DPP10: variants seen among roughly 807,000 people sequenced by gnomAD.
The protein encoded by DPP10 is inactive dipeptidyl peptidase 10.
Under a neutral mutation model 120.9 loss-of-function variants are expected in DPP10, and 33 were observed. The ratio of observed to expected loss-of-function variants is 0.27; its 90% confidence interval spans 0.21 to 0.37. The LOEUF (loss-of-function observed/expected upper bound fraction) is 0.37. Ranked by LOEUF, DPP10 falls within the 10% of genes least tolerant of loss-of-function variation. The pLI is 1.00. For missense variants in DPP10, 816 were observed against 942.8 expected, an observed-to-expected ratio of 0.87 and a Z score of 1.76; for synonymous variants, 337 against 326.1, an observed-to-expected ratio of 1.03 and a Z score of -0.36.
intron 1 of DPP10, among the ~76,000 whole-genome samples, chr2:114,869,833 C>T (rs9308704): frequency 0.53 from 80,110 of 152,000 alleles, 21,345 homozygotes; most frequent in East Asian, 0.69. Flanking sequence ...GTTTAAGGGA[C>T]GGCCTCCAGA....
At chr2:115,636,694 A>T (rs2149335930) in intron 5 of DPP10, among the ~76,000 whole-genome samples, 1 of 152,262 alleles carries the variant, frequency 6.6e-6, no homozygotes, top group Middle Eastern at 3.4e-3. Context: ...AGTGAGGATT[A>T]TGCAGATCTT....
chr2:114,867,115 C>G (rs755632123), intron 1 of DPP10, among the ~76,000 whole-genome samples: 2 of 152,142 alleles, frequency 1.3e-5, no homozygotes, highest in Non-Finnish European at 2.9e-5. Context: ...TCTTTGCTTA[C>G]TTCTGGCTTA....
chr2:115,129,260 A>T (rs1460475863), intron 1 of DPP10, among the ~76,000 whole-genome samples: 1 of 152,160 alleles, frequency 6.6e-6, no homozygotes, highest in African/African-American at 2.4e-5. Context: ...CCTTTTATAG[A>T]TGAATGTAGG....
intron 3 of DPP10, among the ~76,000 whole-genome samples, chr2:115,446,270 G>A (rs191557866): frequency 1.3e-5 from 2 of 152,308 alleles, no homozygotes; most frequent in East Asian, 3.9e-4. Context: ...GTTTGCTGCA[G>A]GGGCAGAACC....
intron 1 of DPP10, among the ~76,000 whole-genome samples, chr2:114,863,670 G>A (rs1690002206): frequency 6.6e-6 from 1 of 152,204 alleles, no homozygotes; most frequent in South Asian, 2.1e-4. Context: ...GACACAGGAT[G>A]AAATAGAATT....
intron 3 of DPP10, among the ~76,000 whole-genome samples, chr2:115,442,832 T>G (rs927029565): frequency 6.6e-5 from 10 of 152,168 alleles, no homozygotes; most frequent in African/African-American, 2.4e-4. Flanking sequence ...CTTGCCGGAA[T>G]AATTAATATT....
intron 3 of DPP10, among the ~76,000 whole-genome samples, chr2:115,441,277 T>C (rs1574854671): frequency 6.6e-6 from 1 of 152,346 alleles, no homozygotes; most frequent in Non-Finnish European, 1.5e-5. Context: ...AGTGCTGTAC[T>C]GAATCCCGAG....
chr2:115,421,656 A>G (rs113797833), intron 3 of DPP10, among the ~76,000 whole-genome samples: 2,340 of 152,092 alleles, frequency 0.015, 59 homozygotes, highest in African/African-American at 0.053. Flanking sequence ...GCGGATCACG[A>G]AGTCAAGAGA....
At chr2:115,188,642 C>T (rs1413208613) in intron 1 of DPP10, among the ~76,000 whole-genome samples, 1 of 152,128 alleles carries the variant, frequency 6.6e-6, no homozygotes, top group Admixed American at 6.5e-5. Flanking sequence ...CACTGCAATA[C>T]CATTTATCAC....
chr2:115,732,438 G>A (rs1323163108), intron 8 of DPP10, among the ~76,000 whole-genome samples: 1 of 151,994 alleles, frequency 6.6e-6, no homozygotes, highest in Non-Finnish European at 1.5e-5. Context: ...AGAAAGTAAA[G>A]CAATATAAAG....
intron 1 of DPP10, among the ~76,000 whole-genome samples, chr2:115,062,061 T>C (rs899907109): frequency 6.6e-6 from 1 of 151,750 alleles, no homozygotes. Flanking sequence ...TGAAATAATA[T>C]ATTAAAATTT....
chr2:114,534,717 T>TTA (rs1686340604), intron 1 of DPP10, among the ~76,000 whole-genome samples: 1 of 152,036 alleles, frequency 6.6e-6, no homozygotes, highest in Non-Finnish European at 1.5e-5. Flanking sequence ...TTTTTTTTTT[T>TTA]AAGGGAATAC....
At chr2:115,083,542 C>T (rs902610470) in intron 1 of DPP10, among the ~76,000 whole-genome samples, 3 of 152,178 alleles carry the variant, frequency 2.0e-5, no homozygotes, top group African/African-American at 4.8e-5. Context: ...CTGTTTCTCT[C>T]GCACTGCTCT....
Position 115,460,683 on chromosome 2 carries a change from A to C in DPP10, c.272-38827A>C, listed in dbSNP as rs117143013. Among the ~76,000 whole-genome samples the C allele has an allele frequency of 2.7e-3, 415 of 152,262 alleles. 21 individuals carry two copies. The East Asian group carries it at 0.077, about 28-fold the overall frequency. ...TTCTGGATGTCTCTCATGCTGCCCT[A>C]TCAGAATCCCGAGAAATGGCATAGG... On this transcript the variant is annotated intron_variant, in intron 3 of 25. Coordinates refer to ENST00000410059, the MANE Select transcript of DPP10 (RefSeq NM_020868.6).
chr2:114,981,523 A>G (rs1429480003), intron 1 of DPP10, among the ~76,000 whole-genome samples: 2 of 152,194 alleles, frequency 1.3e-5, no homozygotes, highest in African/African-American at 4.8e-5. Flanking sequence ...GGTATACTCT[A>G]AATAGTCTAC....
intron 1 of DPP10, among the ~76,000 whole-genome samples, chr2:114,850,097 G>A (rs562514519): frequency 6.8e-6 from 1 of 147,774 alleles, no homozygotes; most frequent in African/African-American, 2.5e-5. Context: ...TGTTGCCCAG[G>A]CTGGACTTGA....
chr2:115,164,758 C>T (rs2052703686), intron 1 of DPP10, among the ~76,000 whole-genome samples: 1 of 152,180 alleles, frequency 6.6e-6, no homozygotes, highest in Non-Finnish European at 1.5e-5. Context: ...GTAGAGGGCT[C>T]AACCTTCCTC....
At chr2:115,480,222 G>A (rs2075346112) in intron 3 of DPP10, among the ~76,000 whole-genome samples, 1 of 151,976 alleles carries the variant, frequency 6.6e-6, no homozygotes, top group South Asian at 2.1e-4. Context: ...AAGTTCCCTG[G>A]AGTTCAATTT....
At chr2:115,585,868 C>G (rs1234950104) in intron 5 of DPP10, among the ~76,000 whole-genome samples, 2 of 152,092 alleles carry the variant, frequency 1.3e-5, no homozygotes, top group African/African-American at 4.8e-5. Context: ...TGCTTATTTT[C>G]TATTTAACGT....
Sources: gnomAD v4.1 joint callset for allele counts (sites outside exome capture counted in the v4.1 genomes callset) on GRCh38, gnomAD v4.1.1 for gene constraint, MANE v1.5 for transcripts, NCBI Gene and HGNC (gene_info 2026-07-23, HGNC 2026-07-21) for gene names.